TRAF2: variants seen among roughly 807,000 people sequenced by gnomAD.
The protein encoded by TRAF2 is TNF receptor associated factor 2.
TRAF2 carries 6 observed loss-of-function variants against 55.6 expected under a neutral mutation model. The ratio of observed to expected loss-of-function variants is 0.11; its 90% CI spans 0.06 to 0.21. The LOEUF (loss-of-function observed/expected upper bound fraction) is 0.21, where lower values mean the gene tolerates loss of function less well. TRAF2 is among the 10% of genes least tolerant of loss of function. TRAF2 has a pLI of 1.00. For missense variants in TRAF2, 561 were observed against 684.5 expected (o/e 0.82, Z 2.01); for synonymous variants, 329 against 276.3 (o/e 1.19, Z -1.89).
intron 9 of TRAF2, chr9:136,922,432 G>GT (rs1209932312): frequency 1.3e-5 from 2 of 152,532 alleles, no homozygotes; most frequent in Non-Finnish European, 1.5e-5. Context: ...TAAGCGTTGG[G>GT]TGAAGGGTCA....
At chr9:136,891,793 C>T (rs1849585796) in intron 1 of TRAF2, among the ~76,000 whole-genome samples, 1 of 151,474 alleles carries the variant, frequency 6.6e-6, no homozygotes, top group Non-Finnish European at 1.5e-5. Context: ...GCGATCTTGA[C>T]TCTCTGCAAC....
At chr9:136,896,327 C>T (rs777700816) in intron 1 of TRAF2, among the ~76,000 whole-genome samples, 2 of 152,232 alleles carry the variant, frequency 1.3e-5, no homozygotes, top group African/African-American at 4.8e-5. Context: ...CGCAAGAAGG[C>T]ACTGGAGGCT....
chr9:136,894,815 A>G (rs1849648348), intron 1 of TRAF2, among the ~76,000 whole-genome samples: 1 of 152,204 alleles, frequency 6.6e-6, no homozygotes, highest in Admixed American at 6.5e-5. Flanking sequence ...GAATGGGCTC[A>G]GAAAGCATCC....
At chr9:136,921,241 C>T in intron 9 of TRAF2, 26 bp downstream of exon 9, 1 of 1,611,610 alleles carries the variant, frequency 6.2e-7, no homozygotes, top group Non-Finnish European at 8.5e-7. Flanking sequence ...CCCCACCTCA[C>T]TGCAGCTGCT....
intron 1 of TRAF2, among the ~76,000 whole-genome samples, chr9:136,897,650 C>T (rs1391601297): frequency 5.0e-5 from 7 of 139,258 alleles, no homozygotes; most frequent in African/African-American, 5.5e-5. Context: ...AGGTGTGCTA[C>T]GTTCCCGCTC....
chr9:136,898,170 TC>T (rs1849729485), intron 1 of TRAF2, among the ~76,000 whole-genome samples: 1 of 152,116 alleles, frequency 6.6e-6, no homozygotes, highest in Non-Finnish European at 1.5e-5. Context: ...TGTGCTACAT[TC>T]CCGCTCTAGG....
At chr9:136,923,786 G>C (rs1850455966) in intron 9 of TRAF2, 66 bp from the exon 10 acceptor site, 2 of 1,552,872 alleles carry the variant, frequency 1.3e-6, no homozygotes, top group South Asian at 2.3e-5. Flanking sequence ...GGGCAGCCAG[G>C]CAGGAAGAGC....
upstream of TRAF2, among the ~76,000 whole-genome samples, chr9:136,885,587 G>A (rs1273842255): frequency 6.6e-6 from 1 of 152,160 alleles, no homozygotes; most frequent in Non-Finnish European, 1.5e-5. Flanking sequence ...GGCCAACATG[G>A]TGAAACCTCG....
intron 4 of TRAF2, 97 bp from the exon 5 acceptor site, chr9:136,907,973 C>T: frequency 2.7e-6 from 4 of 1,482,588 alleles, no homozygotes; most frequent in Admixed American, 2.1e-5. Context: ...ATGCGGACAC[C>T]AAGCCAGCGC....
At position 136,908,065 on chromosome 9, in the gene TRAF2, G is replaced by A; in HGVS notation, c.367-5G>A. 1.9e-6 allele frequency: 3 copies of A among 1,598,652 alleles called. No homozygotes were observed. The highest frequency in any genetic ancestry group is 1.7e-6 in the Non-Finnish European group (2 of 1,177,178). ...TCTACTGACGCTTCCTCCTTTCGTT[G>A]CTAGAGCTGCCACGAAGGCCGCTGC... is the stretch of plus-strand genomic sequence containing the variant. On this transcript the variant is annotated splice_polypyrimidine_tract_variant and splice_region_variant and intron_variant, in intron 4 of 10. Transcript: ENST00000247668.
rs577426022 is a variant in TRAF2 at position 136,925,550 on chromosome 9, G to A, written c.1288-133G>A. ...GCAAGGCCGCCCACCACGTGGTCTCGGCTGGGCCTCAGCCTCTGGCCTGGG... is the reference window on the plus strand; with the variant it reads ...GCAAGGCCGCCCACCACGTGGTCTCAGCTGGGCCTCAGCCTCTGGCCTGGG... On this transcript the variant is annotated intron_variant, in intron 10 of 10. Coordinates refer to ENST00000247668, the MANE Select transcript of TRAF2 (RefSeq NM_021138.4). 260 of 907,436 alleles carry A rather than the reference G, an allele frequency of 2.9e-4. 1 individual carries two copies. The Middle Eastern group carries it at 3.1e-3, about 11-fold the overall frequency. The allele number at this position is 907,436 out of a possible 1,614,324, so 56.2% of individuals were successfully genotyped here. A position where few individuals can be genotyped will look rare whatever the true frequency, so the allele number is the denominator to read the frequency against.
chr9:136,921,465 G>A (rs1049382918), intron 9 of TRAF2, among the ~76,000 whole-genome samples: 3 of 152,066 alleles, frequency 2.0e-5, no homozygotes, highest in Non-Finnish European at 2.9e-5. Context: ...GCCAGCCCTC[G>A]AGGTGTGCCC....
intron 10 of TRAF2, among the ~76,000 whole-genome samples, chr9:136,925,198 G>A (rs17250869): frequency 2.5e-3 from 386 of 152,264 alleles, no homozygotes; most frequent in Admixed American, 3.9e-3. Flanking sequence ...GGTGGGGGAG[G>A]GGGTGTGGAG....
chr9:136,906,472 C>T (rs1026085764), intron 4 of TRAF2, among the ~76,000 whole-genome samples: 4 of 152,078 alleles, frequency 2.6e-5, no homozygotes, highest in Non-Finnish European at 5.9e-5. Flanking sequence ...CATCAGATCC[C>T]ATGAGACTTA....
At chr9:136,895,324 G>A (rs1849657752) in intron 1 of TRAF2, among the ~76,000 whole-genome samples, 2 of 152,182 alleles carry the variant, frequency 1.3e-5, no homozygotes, top group African/African-American at 2.4e-5. Flanking sequence ...CTTTGAGGAG[G>A]CAAGTGACCT....
intron 4 of TRAF2, among the ~76,000 whole-genome samples, chr9:136,906,272 A>G (rs1271112857): frequency 6.6e-6 from 1 of 152,130 alleles, no homozygotes; most frequent in African/African-American, 2.4e-5. Context: ...GTATCAGTCC[A>G]TTTTCATACT....
rs1190914177 is a variant in TRAF2 at position 136,898,763 on chromosome 9, C to T, written c.23C>T (p.Pro8Leu). Residue 8 changes from proline (P) to leucine (L), a missense_variant, in exon 2 of 11, where the codon CCC becomes CTC. This residue lies in a region of TRAF2 where 426 missense variants were observed against 476.8 expected (regional missense o/e 0.89). Coordinates refer to ENST00000247668, the MANE Select transcript of TRAF2 (RefSeq NM_021138.4). ...CTCATGGCTGCAGCTAGCGTGACCC[C>T]CCCTGGCTCCCTGGAGTTGCTACAG... MAAASVT[P>L]PGSLELLQPG... 4 of 1,613,656 alleles carry T rather than the reference C, an allele frequency of 2.5e-6. No homozygotes were observed. The highest frequency in any genetic ancestry group is 4.5e-5 in the East Asian group (2 of 44,888).
At chr9:136,905,284 G>A (rs1264730061) in intron 4 of TRAF2, among the ~76,000 whole-genome samples, 2 of 152,168 alleles carry the variant, frequency 1.3e-5, no homozygotes, top group East Asian at 1.9e-4. Context: ...TGTGCCCATC[G>A]GTACAGAATA....
At chr9:136,899,563 TG>T (rs1321737674) in intron 2 of TRAF2, 30 bp from the exon 3 acceptor site, 2 of 1,594,172 alleles carry the variant, frequency 1.3e-6, no homozygotes, top group South Asian at 2.3e-5. Context: ...GGTTTCACAG[TG>T]GGTTGTTTTT....
Sources: allele counts gnomAD v4.1 joint callset (sites outside exome capture counted in the v4.1 genomes callset), GRCh38; gene constraint gnomAD v4.1.1; regional missense constraint gnomAD v4.1.1; transcripts MANE v1.5; gene names NCBI Gene and HGNC (gene_info 2026-07-23, HGNC 2026-07-21).